The following C3orf52 variants were observed in gnomAD, a reference collection of about 807,000 sequenced individuals.
The protein encoded by C3orf52 is chromosome 3 open reading frame 52.
C3orf52 carries 22 observed loss-of-function variants against 24.8 expected under a neutral mutation model. The observed-to-expected ratio is 0.89, with a 90% CI of 0.63 to 1.27. The LOEUF is 1.27. C3orf52 is among the 50% of genes most tolerant of loss of function. C3orf52 has a pLI of 0.00. For missense variants in C3orf52, 265 were observed against 260.7 expected (o/e 1.02, Z -0.11); for synonymous variants, 93 against 100.2 (o/e 0.93, Z 0.43).
chr3:112,116,634 CT>C lies in C3orf52; in HGVS notation c.650-3del. 1 of 1,555,732 alleles carries C rather than the reference CT, an allele frequency of 6.4e-7. No homozygotes were observed. Among genetic ancestry groups the C allele is most frequent in the Non-Finnish European group, 8.7e-7 (1 of 1,148,312 alleles). ...AGTAACTTTTGTTCATCTGTGTTTTCTTTTTAGAATGAAGTGATGGAGGCTG... is the reference window on the plus strand; with the variant it reads ...AGTAACTTTTGTTCATCTGTGTTTTCTTTTAGAATGAAGTGATGGAGGCTG... On this transcript the variant is annotated splice_region_variant and splice_polypyrimidine_tract_variant and intron_variant, in intron 5 of 5. Coordinates refer to ENST00000264848, the MANE Select transcript of C3orf52 (RefSeq NM_024616.3).
At chr3:112,121,184 G>A (rs1011742899), downstream of C3orf52, 1 of 152,102 alleles carries the variant, frequency 6.6e-6, no homozygotes, top group Non-Finnish European at 1.5e-5. Context: ...ACAGGATAAG[G>A]TTCAAACAAA....
At chr3:112,132,585 A>G, downstream of C3orf52, 2 of 905,288 alleles carry the variant, frequency 2.2e-6, no homozygotes, top group Non-Finnish European at 2.6e-6. Flanking sequence ...GCTGAGGTCC[A>G]GAAAGTAAAT....
chr3:112,128,583 G>T (rs2074382644), exon 5 of C3orf52: 1 of 228,608 alleles, frequency 4.4e-6, no homozygotes, highest in Non-Finnish European at 8.8e-6. Context: ...TGTATTTCCA[G>T]TCTATGACAC....
chr3:112,087,496 C>G (rs2073840835), intron 1 of C3orf52, among the ~76,000 whole-genome samples: 1 of 152,116 alleles, frequency 6.6e-6, no homozygotes, highest in Non-Finnish European at 1.5e-5. Flanking sequence ...CCTGATCTTT[C>G]TAGGCCCCAC....
chr3:112,091,505 ACCAGAGGTCTGCCATGGCCTCCTC>A (rs1277831677), intron 1 of C3orf52, among the ~76,000 whole-genome samples: 9 of 152,176 alleles, frequency 5.9e-5, no homozygotes, highest in Non-Finnish European at 1.3e-4. Flanking sequence ...GAGGCCTCAG[ACCAGAGGTCTGCCATGGCCTCCTC>A]CCACCTCCCT....
chr3:112,099,404 A>G (rs2073952852), intron 2 of C3orf52, among the ~76,000 whole-genome samples: 1 of 152,190 alleles, frequency 6.6e-6, no homozygotes, highest in Non-Finnish European at 1.5e-5. Flanking sequence ...TTTATATAAG[A>G]CCAAGTTTAT....
intron 2 of C3orf52, among the ~76,000 whole-genome samples, chr3:112,100,417 C>G (rs1257723407): frequency 6.6e-6 from 1 of 152,220 alleles, no homozygotes; most frequent in African/African-American, 2.4e-5. Context: ...GACATAAAAA[C>G]TCTCCTGACT....
Position 112,116,757 on chromosome 3 carries a change from A to C in C3orf52, c.*111A>C. 6.5e-7 allele frequency: 1 copy of C among 1,549,688 alleles called. No homozygotes were observed. The highest frequency in any genetic ancestry group is 8.7e-7 in the Non-Finnish European group (1 of 1,147,356). On this transcript the variant is annotated 3_prime_UTR_variant, in exon 6 of 6. Coordinates refer to ENST00000264848, the MANE Select transcript of C3orf52 (RefSeq NM_024616.3). ...TTCTGTGGATTAATACAGAAGCACC[A>C]GCAACACCAGAGGGGTGGAGACTCC...
chr3:112,101,784 A>G (rs981001107), intron 2 of C3orf52, among the ~76,000 whole-genome samples: 4 of 152,178 alleles, frequency 2.6e-5, no homozygotes, highest in South Asian at 4.1e-4. Flanking sequence ...CTATGGCAAT[A>G]TAAGCACCTG....
At chr3:112,096,440 G>A (rs1043956599) in intron 2 of C3orf52, among the ~76,000 whole-genome samples, 2 of 152,174 alleles carry the variant, frequency 1.3e-5, no homozygotes, top group Admixed American at 6.5e-5. Context: ...AAGATTTATG[G>A]CATGTAGATA....
intron 4 of C3orf52, among the ~76,000 whole-genome samples, chr3:112,127,397 A>G (rs1028152142): frequency 1.3e-5 from 2 of 149,538 alleles, no homozygotes; most frequent in African/African-American, 4.9e-5. Context: ...TTCAATCTCA[A>G]TTCTAATCTA....
At chr3:112,095,695 C>G (rs2073919169) in intron 2 of C3orf52, among the ~76,000 whole-genome samples, 1 of 151,550 alleles carries the variant, frequency 6.6e-6, no homozygotes, top group Non-Finnish European at 1.5e-5. Flanking sequence ...TTTTTTCAAA[C>G]TACTTTTTAA....
chr3:112,091,730 C>G (rs1181014914), intron 1 of C3orf52, among the ~76,000 whole-genome samples: 1 of 152,190 alleles, frequency 6.6e-6, no homozygotes. Context: ...GAAGGCCAGT[C>G]GCGGTGGCTC....
chr3:112,128,206 C>T (rs768635624), intron 4 of C3orf52: 16 of 730,272 alleles, frequency 2.2e-5, no homozygotes, highest in South Asian at 1.9e-4. Context: ...ACACATCTCT[C>T]ATGGTAGAAT....
chr3:112,098,626 A>G (rs1245225848), intron 2 of C3orf52, among the ~76,000 whole-genome samples: 2 of 152,322 alleles, frequency 1.3e-5, no homozygotes, highest in South Asian at 2.1e-4. Context: ...TTGGGCTACT[A>G]TAACAGAATA....
chr3:112,096,057 C>T (rs968994627), intron 2 of C3orf52, among the ~76,000 whole-genome samples: 1 of 152,156 alleles, frequency 6.6e-6, no homozygotes, highest in Non-Finnish European at 1.5e-5. Context: ...GACTAAGGTT[C>T]CTCAGGAACT....
In C3orf52 at chr3:112,125,086, C is replaced by A. The variant is rs116613568; in HGVS notation, c.*47-3147C>A. On this transcript the variant is annotated intron_variant, in intron 4 of 4. Coordinates refer to the C3orf52 transcript ENST00000480282. ...GCCACCCGGCCCTGCACCTGCCACCCGAGTTCACAAGCACTGACATCTAAA... is the reference window on the plus strand; with the variant it reads ...GCCACCCGGCCCTGCACCTGCCACCAGAGTTCACAAGCACTGACATCTAAA... 2.0e-3 allele frequency: 1,383 copies of A among 677,470 alleles called. 20 individuals carry two copies. The African/African-American group carries it at 0.022, about 11-fold the overall frequency. 42.0% of individuals were successfully genotyped at this position (677,470 alleles called of 1,614,324 possible). A position where few individuals can be genotyped will look rare whatever the true frequency, so the allele number is the denominator to read the frequency against.
At chr3:112,103,040 A>C in intron 3 of C3orf52, 75 bp downstream of exon 3, 1 of 1,400,546 alleles carries the variant, frequency 7.1e-7, no homozygotes, top group South Asian at 1.3e-5. Context: ...ATTGGCATAG[A>C]GCTATAGAGT....
At chr3:112,114,666 T>G (rs566323967) in intron 5 of C3orf52, among the ~76,000 whole-genome samples, 7 of 151,960 alleles carry the variant, frequency 4.6e-5, no homozygotes, top group Admixed American at 1.3e-4. Flanking sequence ...ATCGCATCAT[T>G]GCACTCCAGC....
Sources: gnomAD v4.1 joint callset for allele counts (sites outside exome capture counted in the v4.1 genomes callset) on GRCh38, gnomAD v4.1.1 for gene constraint, MANE v1.5 for transcripts, NCBI Gene and HGNC (gene_info 2026-07-23, HGNC 2026-07-21) for gene names.